Variants in TOX observed in about 807,000 individuals in gnomAD.
TOX encodes the protein thymocyte selection associated high mobility group box.
TOX carries 11 observed loss-of-function variants against 53.7 expected under a neutral mutation model. The observed-to-expected ratio is 0.20, with a 90% CI of 0.13 to 0.34. The LOEUF is 0.34. Among genes scored for constraint, TOX ranks in the 10% least tolerant of loss-of-function variants. The pLI, the probability that TOX is intolerant of heterozygous loss-of-function variation, is 1.00. For synonymous variants in TOX, 225 were observed against 245.3 expected (o/e 0.92, Z 0.77); for missense variants, 570 against 664.6 (o/e 0.86, Z 1.56).
chr8:58,807,634 C>CTTA lies in TOX; in HGVS notation c.*110_*112dup. 7.9e-7 allele frequency: 1 copy of CTTA among 1,265,280 alleles called. No homozygotes were observed. Among genetic ancestry groups the CTTA allele is most frequent in the South Asian group, 1.3e-5 (1 of 75,278 alleles). The allele number at this position is 1,265,280 out of a possible 1,614,324, so 78.4% of individuals were successfully genotyped here. A position where few individuals can be genotyped will look rare whatever the true frequency, so the allele number is the denominator to read the frequency against. On this transcript the variant is annotated 3_prime_UTR_variant, in exon 9 of 9. Coordinates refer to ENST00000361421, the MANE Select transcript of TOX (RefSeq NM_014729.3). ...CCACAAGCTCAAATGGTCCTAAGTG[C>CTTA]TTAGCAACTTGTATTTTCTAATAAA...
chr8:59,040,081 G>C (rs1803547549), intron 1 of TOX, among the ~76,000 whole-genome samples: 1 of 152,174 alleles, frequency 6.6e-6, no homozygotes, highest in Admixed American at 6.5e-5. Context: ...TGTAATCCCA[G>C]CACTTTGGGA....
intron 3 of TOX, among the ~76,000 whole-genome samples, chr8:58,927,833 G>A (rs966957071): frequency 1.3e-5 from 2 of 152,124 alleles, no homozygotes; most frequent in South Asian, 2.1e-4. Context: ...CCACCAGCAC[G>A]AAAACTGAGG....
chr8:59,025,763 C>G (rs553011190), intron 1 of TOX, among the ~76,000 whole-genome samples: 1 of 152,250 alleles, frequency 6.6e-6, no homozygotes, highest in South Asian at 2.1e-4. Context: ...TACCTGCATT[C>G]CCCTCCAATT....
intron 3 of TOX, among the ~76,000 whole-genome samples, chr8:58,897,630 C>T (rs1302441930): frequency 1.3e-5 from 2 of 151,900 alleles, no homozygotes; most frequent in Non-Finnish European, 2.9e-5. Context: ...ATAGTCATTC[C>T]AAGACTAAAA....
intron 1 of TOX, among the ~76,000 whole-genome samples, chr8:59,065,308 A>G (rs1476473351): frequency 6.6e-6 from 1 of 152,228 alleles, no homozygotes; most frequent in Non-Finnish European, 1.5e-5. Context: ...AAGGAGTAAG[A>G]GAATGGTTAG....
intron 6 of TOX, among the ~76,000 whole-genome samples, chr8:58,819,119 T>C (rs1358511319): frequency 2.0e-5 from 3 of 152,250 alleles, no homozygotes; most frequent in African/African-American, 7.2e-5. Flanking sequence ...TGTGATTAAA[T>C]GAAAATACAT....
chr8:59,070,132 T>C (rs912042134), intron 1 of TOX, among the ~76,000 whole-genome samples: 1 of 152,204 alleles, frequency 6.6e-6, no homozygotes, highest in African/African-American at 2.4e-5. Context: ...TTATAACAAA[T>C]ATGTGACAGC....
intron 1 of TOX, among the ~76,000 whole-genome samples, chr8:58,962,198 C>G (rs1052236127): frequency 1.3e-5 from 2 of 152,160 alleles, no homozygotes; most frequent in Non-Finnish European, 2.9e-5. Context: ...TGAGTACATT[C>G]AGTGTTACTG....
chr8:58,915,395 C>G (rs1339893833), intron 3 of TOX, among the ~76,000 whole-genome samples: 13 of 90,734 alleles, frequency 1.4e-4, no homozygotes, highest in Non-Finnish European at 2.4e-4. Context: ...TCCCTGACCC[C>G]TGACCCCCGA....
At chr8:58,816,025 G>C (rs537827254) in intron 6 of TOX, among the ~76,000 whole-genome samples, 25 of 152,240 alleles carry the variant, frequency 1.6e-4, no homozygotes, top group African/African-American at 5.1e-4. Flanking sequence ...GTTTGTGGAG[G>C]GTGGGGGACG....
intron 4 of TOX, among the ~76,000 whole-genome samples, chr8:58,839,726 T>C (rs780635703): frequency 1.4e-4 from 22 of 152,198 alleles, no homozygotes; most frequent in South Asian, 2.1e-4. Flanking sequence ...CCTTCTATTG[T>C]GGTGGTTGTA....
chr8:59,067,461 C>G (rs1326718724), intron 1 of TOX, among the ~76,000 whole-genome samples: 1 of 151,910 alleles, frequency 6.6e-6, no homozygotes, highest in South Asian at 2.1e-4. Flanking sequence ...GGCTGAGGCA[C>G]GAGAAATCGC....
chr8:58,856,628 A>G (rs1810920835), intron 3 of TOX, among the ~76,000 whole-genome samples: 1 of 152,166 alleles, frequency 6.6e-6, no homozygotes, highest in Non-Finnish European at 1.5e-5. Flanking sequence ...AGCTGGCTCA[A>G]GGAGGACATT....
intron 1 of TOX, among the ~76,000 whole-genome samples, chr8:58,964,121 C>T (rs1812850063): frequency 2.0e-5 from 3 of 152,078 alleles, no homozygotes; most frequent in African/African-American, 7.2e-5. Context: ...AAAGAAAGTA[C>T]AGAAATGGCC....
chr8:58,892,306 AAGAGAG>A (rs901154509), intron 3 of TOX, among the ~76,000 whole-genome samples: 1 of 151,248 alleles, frequency 6.6e-6, no homozygotes, highest in Admixed American at 6.6e-5. Context: ...GAGAGAAAGA[AAGAGAG>A]AGAGAGAGAG....
At chr8:58,996,680 T>C (rs1419271342) in intron 1 of TOX, among the ~76,000 whole-genome samples, 1 of 152,204 alleles carries the variant, frequency 6.6e-6, no homozygotes, top group East Asian at 1.9e-4. Context: ...GAGAAAAATA[T>C]GCTATGAAAA....
chr8:58,851,735 C>G lies in TOX; in HGVS notation c.482G>C (p.Arg161Thr). The G allele has an allele frequency of 4.3e-6, 7 of 1,613,092 alleles. No homozygotes were observed. Among genetic ancestry groups the G allele is most frequent in the Non-Finnish European group, 5.9e-6 (7 of 1,179,746 alleles). The change falls in exon 4 of 9, where the codon AGG (arginine) becomes ACG (threonine). Residue 161 changes from arginine to threonine, a missense_variant. By Grantham distance (71) the Arg-to-Thr change is moderately conservative (BLOSUM62 -1). Transcript: ENST00000361421. This position sits in a 1 kb window ranked among gnomAD's most constrained non-coding sequence, Gnocchi z 4.4. ...CTGCCTGATGTCTGCAGGCTGGCCC[C>G]TTGGTCTCATGGCTGCCATCTGAGG... ...SHPQMAAMRP[R>T]GQPADIRQQP...
chr8:59,055,609 C>T (rs1803876051), intron 1 of TOX, among the ~76,000 whole-genome samples: 1 of 152,184 alleles, frequency 6.6e-6, no homozygotes, highest in Non-Finnish European at 1.5e-5. Flanking sequence ...ATAAAGGTGT[C>T]ACTGGGAGCC....
At chr8:59,034,447 C>A (rs1468593687) in intron 1 of TOX, among the ~76,000 whole-genome samples, 1 of 152,204 alleles carries the variant, frequency 6.6e-6, no homozygotes, top group African/African-American at 2.4e-5. Context: ...CCCCCACCTC[C>A]ACCCCCACGA....
Sources: allele counts gnomAD v4.1 joint callset (sites outside exome capture counted in the v4.1 genomes callset), GRCh38; gene constraint gnomAD v4.1.1; non-coding constraint Gnocchi (gnomAD v3.1); transcripts MANE v1.5; gene names NCBI Gene and HGNC (gene_info 2026-07-23, HGNC 2026-07-21).